The following KMT2D variants were observed in gnomAD, a reference collection of about 807,000 sequenced individuals.
The protein encoded by KMT2D is histone-lysine N-methyltransferase 2D.
A neutral mutation model predicts 512.7 loss-of-function variants in KMT2D; 55 were observed. The observed-to-expected ratio is 0.11, with a 90% CI of 0.09 to 0.13. KMT2D has a LOEUF of 0.13. Among genes scored for constraint, KMT2D ranks in the 10% least tolerant of loss-of-function variants. KMT2D has a pLI of 1.00. For synonymous variants in KMT2D, 2,995 were observed against 2,904.0 expected, an observed-to-expected ratio of 1.03 and a Z score of -1.01; for missense variants, 6,061 against 7,127.9, an observed-to-expected ratio of 0.85 and a Z score of 5.39.
chr12:49,050,988 C>A lies in KMT2D; in HGVS notation c.2695G>T (p.Ala899Ser), dbSNP rs2120661279. The change falls in exon 11 of 55, where the codon GCC becomes TCC. Residue 899 changes from alanine (A) to serine (S), a missense_variant. Coordinates refer to ENST00000301067, the MANE Select transcript of KMT2D (RefSeq NM_003482.4). The part of the protein sequence containing the change: ...PSLSPLLGEP[A>S]LSEPGEPPLS... ...GGTGGTTCCCCAGGCTCAGACAGGG[C>A]TGGCTCTCCAAGCAAGGGAGATAAG... is the stretch of plus-strand genomic sequence containing the variant. 6.4e-7 allele frequency: 1 copy of A among 1,569,454 alleles called. No individual in the cohort carries two copies. The highest frequency in any genetic ancestry group is 2.2e-5 in the East Asian group (1 of 44,504).
At position 49,021,559 on chromosome 12, in the gene KMT2D, C is replaced by T; in HGVS notation, c.*221G>A. ...CCTCCTGGAGCTGGGGGCAGAGATG[C>T]CAGCCTGAGGGCCGGTGGTGGGGAA... On this transcript the variant is annotated 3_prime_UTR_variant, in exon 55 of 55. Transcript: ENST00000301067. The T allele has an allele frequency of 1.8e-6, 1 of 551,530 alleles. No individual in the cohort carries two copies. The highest frequency in any genetic ancestry group is 3.2e-6 in the Non-Finnish European group (1 of 310,508). The allele number at this position is 551,530 out of a possible 1,614,324, so 34.2% of individuals were successfully genotyped here. A position where few individuals can be genotyped will look rare whatever the true frequency, so the allele number is the denominator to read the frequency against.
In KMT2D at chr12:49,030,660, C is replaced by G. The variant is rs545972414; in HGVS notation, c.13780G>C (p.Ala4594Pro). The change falls in exon 42 of 55, where the codon GCC becomes CCC. Residue 4594 changes from alanine to proline, a missense_variant. By Grantham distance (27) the Ala-to-Pro change is conservative (BLOSUM62 -1). Transcript: ENST00000301067. The part of the protein sequence containing the change: ...PVNGQSQLRG[A>P]FGSGALPTGP... ...GTGGGCAGCGCCCCACTTCCAAAGG[C>G]CCCCCTCAGCTGGCTCTGCCCATTG... 8.9e-5 allele frequency: 144 copies of G among 1,610,894 alleles called. No individual in the cohort carries two copies. Among genetic ancestry groups the G allele is most frequent in the Non-Finnish European group, 1.1e-4 (132 of 1,178,620 alleles).
rs372095729 is a variant in KMT2D, at chr12:49,050,747, G to A, written c.2841C>T (p.Ala947=). ...PPLSPIITAA[A]PPALSPLGEL... ...CCCCCAAAGGAGACAGGGCCGGTGG[G>A]GCCGCAGCTGTGATGATGGGTGAGA... Residue 947 remains alanine, a synonymous_variant, in exon 12 of 55, where the codon GCC becomes GCT. Coordinates refer to ENST00000301067, the MANE Select transcript of KMT2D (RefSeq NM_003482.4). The A allele has an allele frequency of 6.2e-7, 1 of 1,612,182 alleles. No homozygotes were observed. The highest frequency in any genetic ancestry group is 8.5e-7 in the Non-Finnish European group (1 of 1,178,842).
rs747016071 is a variant in KMT2D, at chr12:49,033,881, TTGCTGC to T, written c.10818_10823del (p.Gln3611_Gln3612del). 1 of 1,539,346 alleles carries T rather than the reference TTGCTGC, an allele frequency of 6.5e-7. No individual in the cohort carries two copies. The highest frequency in any genetic ancestry group is 8.8e-7 in the Non-Finnish European group (1 of 1,137,576). The stretch of plus-strand genomic sequence containing the variant: ...GCACAGCTGAGTGCTGTTGCTGTTG[TTGCTGC>T]TGCTGCTGCTGTTGTTGCTGCTGCT... On this transcript the variant is annotated inframe_deletion, in exon 40 of 55. Coordinates refer to ENST00000301067, the MANE Select transcript of KMT2D (RefSeq NM_003482.4).
At chr12:49,029,679 T>G (rs754705738) in intron 43 of KMT2D, among the ~76,000 whole-genome samples, 7 of 17,812 alleles carry the variant, frequency 3.9e-4, no homozygotes, top group African/African-American at 1.6e-3. Context: ...TTTTTTTTGT[T>G]TTTTTTTTTT....
intron 48 of KMT2D, 71 bp from the exon 49 acceptor site, chr12:49,027,393 T>C (rs2120372989): frequency 1.6e-6 from 2 of 1,288,910 alleles, no homozygotes; most frequent in Non-Finnish European, 2.1e-6. Context: ...CCCTCACCCA[T>C]ATGCCACCCT....
At position 49,039,186 on chromosome 12, in the gene KMT2D, C is replaced by A; in HGVS notation, c.8366+36G>T. On this transcript the variant is annotated intron_variant, in intron 34 of 54. Coordinates refer to ENST00000301067, the MANE Select transcript of KMT2D (RefSeq NM_003482.4). The surrounding 1 kb of genome is among the most constrained non-coding windows in gnomAD (Gnocchi z 5.0). ...TCCAACAGTGATAAAATCCATCCCC[C>A]TTGGTTTACCCCCAGGGAACCTCCT... 1 of 1,610,742 alleles carries A rather than the reference C, an allele frequency of 6.2e-7. No homozygotes were observed. Among genetic ancestry groups the A allele is most frequent in the Non-Finnish European group, 8.5e-7 (1 of 1,178,544 alleles).
rs370363809 is a variant in KMT2D, at chr12:49,049,823, G to C, written c.3765C>G (p.Gly1255=). 4.6e-5 allele frequency: 75 copies of C among 1,613,852 alleles called. No individual in the cohort carries two copies. The highest frequency in any genetic ancestry group is 6.2e-5 in the Non-Finnish European group (73 of 1,179,900). The change falls in exon 12 of 55, where the codon GGC becomes GGG. Residue 1255 remains glycine (G), a synonymous_variant. Coordinates refer to ENST00000301067, the MANE Select transcript of KMT2D (RefSeq NM_003482.4). ...STDVSPARDE[G]SLRLCTDSLP... ...GTGAGTCAGTACAGAGCCGTAGGGA[G>C]CCCTCATCTCGGGCTGGACTAACAT...
chr12:49,023,802 G>C (rs1327348046), intron 51 of KMT2D, among the ~76,000 whole-genome samples: 1 of 152,198 alleles, frequency 6.6e-6, no homozygotes, highest in Non-Finnish European at 1.5e-5. Context: ...AGGCTGGCTA[G>C]GGATGGAGAG....
At position 49,055,259 on chromosome 12, in the gene KMT2D, C is replaced by T. The variant is rs752570040; in HGVS notation, c.49+17G>A. On this transcript the variant is annotated intron_variant, in intron 2 of 54. Coordinates refer to ENST00000301067, the MANE Select transcript of KMT2D (RefSeq NM_003482.4). ...CCAATGAAATCTAAAAGCAAACAAA[C>T]AATTTGTCCTACTCACCTGCCGGTT... 7 of 1,613,766 alleles carry T rather than the reference C, an allele frequency of 4.3e-6. No homozygotes were observed. The highest frequency in any genetic ancestry group is 3.3e-5 in the South Asian group (3 of 91,078).
chr12:49,027,753 C>T (rs1283383374), intron 48 of KMT2D, 50 bp downstream of exon 48: 8 of 1,551,162 alleles, frequency 5.2e-6, no homozygotes, highest in South Asian at 3.6e-5. Context: ...CGCGCCTGGC[C>T]GGCAGCCCCT....
chr12:49,024,636 T>C lies in KMT2D; in HGVS notation c.15994A>G (p.Met5332Val), dbSNP rs763696810. 2 of 1,613,942 alleles carry C rather than the reference T, an allele frequency of 1.2e-6. No individual in the cohort carries two copies. The highest frequency in any genetic ancestry group is 8.5e-7 in the Non-Finnish European group (1 of 1,179,868). The change falls in exon 51 of 55, where the codon ATG (methionine) becomes GTG (valine). Residue 5332 changes from methionine to valine, a missense_variant. By Grantham distance (21) the Met-to-Val change is conservative (BLOSUM62 1). Coordinates refer to ENST00000301067, the MANE Select transcript of KMT2D (RefSeq NM_003482.4). This position sits in a 1 kb window ranked among gnomAD's most constrained non-coding sequence, Gnocchi z 4.5. ...GRHPLMELPL[M>V]INPTGCARSE... ...CGGGCACAGCCAGTGGGGTTGATCATGAGTGGCAGCTCCATAAGGGGGTGG... is the reference window on the plus strand; with the variant it reads ...CGGGCACAGCCAGTGGGGTTGATCACGAGTGGCAGCTCCATAAGGGGGTGG...
rs777682865 is a variant in KMT2D at position 49,051,989 on chromosome 12, G to A, written c.1694C>T (p.Pro565Leu). ...AGACAGGCGAGATGCTTCAGGTGGCGGGGAAGTGGGCAATTCCTCAGGTGG... is the reference window on the plus strand; with the variant it reads ...AGACAGGCGAGATGCTTCAGGTGGCAGGGAAGTGGGCAATTCCTCAGGTGG... Reference protein sequence around the residue: ...SPPPEELPTSPPPEASRLSPP... With the variant: ...SPPPEELPTSLPPEASRLSPP... Residue 565 changes from proline (P) to leucine (L), a missense_variant, in exon 11 of 55, where the codon CCG becomes CTG. This residue lies in a region of KMT2D where 848 missense variants were observed against 838.5 expected (regional missense o/e 1.01). Transcript: ENST00000301067. 17 of 1,613,346 alleles carry A rather than the reference G, an allele frequency of 1.1e-5. No homozygotes were observed. Among genetic ancestry groups the A allele is most frequent in the East Asian group, 4.5e-5 (2 of 44,868 alleles).
At position 49,026,208 on chromosome 12, in the gene KMT2D, A is replaced by C. The variant is rs1382079160; in HGVS notation, c.15758T>G (p.Leu5253Arg). ...IKVIEQGLED[L>R]VFTDASPQAV... is the part of the protein sequence containing the mutation. ...CTGGGGAGAGGCGTCAGTGAAGACC[A>C]GGTCCTCCAGGCCCTGCTCGATGAC... The change falls in exon 49 of 55, where the codon CTG becomes CGG. Residue 5253 changes from leucine (L) to arginine (R), a missense_variant. Transcript: ENST00000301067. This position sits in a 1 kb window ranked among gnomAD's most constrained non-coding sequence, Gnocchi z 9.6. 1.3e-6 allele frequency: 2 copies of C among 1,591,784 alleles called. No homozygotes were observed. Among genetic ancestry groups the C allele is most frequent in the Non-Finnish European group, 1.7e-6 (2 of 1,163,398 alleles).
In KMT2D at chr12:49,043,993, G is replaced by A. The variant is rs760964815; in HGVS notation, c.5194C>T (p.Pro1732Ser). 2 of 1,613,996 alleles carry A rather than the reference G, an allele frequency of 1.2e-6. No individual in the cohort carries two copies. The highest frequency in any genetic ancestry group is 1.3e-5 in the African/African-American group (1 of 75,042). The change falls in exon 23 of 55, where the codon CCT (proline) becomes TCT (serine). Residue 1732 changes from proline to serine, a missense_variant. Pro to Ser is a moderately conservative substitution (Grantham distance 74). Transcript: ENST00000301067. ...SGDGQPDEVIPADLPAEGAVE... is the reference protein window; with the variant it reads ...SGDGQPDEVISADLPAEGAVE... Reference sequence around the variant, plus strand: ...GCGCCCTCTGCAGGCAGGTCAGCAGGTATCACTGTGGACAGAACGGAAGTG... The same window carrying A: ...GCGCCCTCTGCAGGCAGGTCAGCAGATATCACTGTGGACAGAACGGAAGTG...
chr12:49,058,630 A>G (rs1278926995), intron 1 of KMT2D, among the ~76,000 whole-genome samples: 6 of 152,126 alleles, frequency 3.9e-5, no homozygotes, highest in Admixed American at 3.9e-4. Flanking sequence ...CCAGGAGAAA[A>G]GAGCTCTGAT....
rs928915337 is a variant in KMT2D at position 49,038,542 on chromosome 12, C to T, written c.8814G>A (p.Pro2938=). ...GAAGACTGTTGTTCAATTCAGGGGC[C>T]GGTGGGGCTGAGGGTTTCTGTGGGG... ...GLPPQKPSAP[P]APELNNSLHP... is the part of the protein sequence containing the mutation. The change falls in exon 35 of 55, where the codon CCG becomes CCA. Residue 2938 remains proline, a synonymous_variant. Transcript: ENST00000301067. This position sits in a 1 kb window ranked among gnomAD's most constrained non-coding sequence, Gnocchi z 5.7. The T allele has an allele frequency of 9.3e-6, 15 of 1,611,094 alleles. No homozygotes were observed. Among genetic ancestry groups the T allele is most frequent in the East Asian group, 4.5e-5 (2 of 44,822 alleles).
In KMT2D at chr12:49,024,430, T is replaced by A; in HGVS notation, c.16052+148A>T. 9.8e-7 allele frequency: 1 copy of A among 1,015,330 alleles called. No homozygotes were observed. Among genetic ancestry groups the A allele is most frequent in the Non-Finnish European group, 1.4e-6 (1 of 708,078 alleles). The allele number at this position is 1,015,330 out of a possible 1,614,324, so 62.9% of individuals were successfully genotyped here. ...AGGAAAAGGATACCCTACTAATACC[T>A]GCATGCCCTCTAATTAGGAAGTCTA... On this transcript the variant is annotated intron_variant, in intron 51 of 54. Transcript: ENST00000301067. The surrounding 1 kb of genome is among the most constrained non-coding windows in gnomAD (Gnocchi z 4.5).
At chr12:49,036,798 C>G (rs534237372) in intron 35 of KMT2D, among the ~76,000 whole-genome samples, 35 of 152,290 alleles carry the variant, frequency 2.3e-4, no homozygotes, top group Non-Finnish European at 1.6e-4. Context: ...TTGTGCCTGG[C>G]CTCAACTGCT....
Sources: allele counts gnomAD v4.1 joint callset (sites outside exome capture counted in the v4.1 genomes callset), GRCh38; gene constraint gnomAD v4.1.1; regional missense constraint gnomAD v4.1.1; non-coding constraint Gnocchi (gnomAD v3.1); transcripts MANE v1.5; gene names NCBI Gene and HGNC (gene_info 2026-07-23, HGNC 2026-07-21).